The following AUTS2 variants were observed in gnomAD, a reference collection of about 807,000 sequenced individuals.
AUTS2 encodes activator of transcription and developmental regulator AUTS2, also known as autism susceptibility gene 2 protein.
Under a neutral mutation model 112.4 loss-of-function variants are expected in AUTS2, and 17 were observed. The observed-to-expected ratio is 0.15, with a 90% CI of 0.10 to 0.23. The LOEUF is 0.23. AUTS2 is among the 10% of genes least tolerant of loss of function. The pLI, the probability that AUTS2 is intolerant of heterozygous loss-of-function variation, is 1.00. For synonymous variants in AUTS2, 751 were observed against 702.7 expected (o/e 1.07, Z -1.09); for missense variants, 1,510 against 1,701.6 (o/e 0.89, Z 1.98).
At chr7:70,559,016 G>T (rs971736509) in intron 5 of AUTS2, among the ~76,000 whole-genome samples, 3 of 152,204 alleles carry the variant, frequency 2.0e-5, no homozygotes, top group Non-Finnish European at 1.5e-5. Context: ...GAGGGACCTG[G>T]TGGGAGGTAA....
intron 6 of AUTS2, among the ~76,000 whole-genome samples, chr7:70,705,042 A>G (rs1809662401): frequency 6.6e-6 from 1 of 152,256 alleles, no homozygotes; most frequent in Admixed American, 6.5e-5. Context: ...GAGTTAGGAA[A>G]GAGCATGTTA....
intron 2 of AUTS2, among the ~76,000 whole-genome samples, chr7:69,998,671 C>G (rs962619291): frequency 1.3e-5 from 2 of 152,104 alleles, no homozygotes; most frequent in African/African-American, 2.4e-5. Context: ...ACCAAATAGA[C>G]AAAATCTCTG....
intron 2 of AUTS2, among the ~76,000 whole-genome samples, chr7:70,005,628 G>A (rs1022394692): frequency 1.3e-5 from 2 of 152,182 alleles, no homozygotes; most frequent in Non-Finnish European, 2.9e-5. Flanking sequence ...TTTGGGAGGT[G>A]TACGGGAAGG....
rs548450768 is a variant in AUTS2 at position 70,056,697 on chromosome 7, A to G, written c.523-61435A>G. 1.1e-4 allele frequency among the ~76,000 whole-genome samples: 17 copies of G among 152,332 alleles called. 1 individual carries two copies. In the South Asian group the frequency reaches 3.5e-3, roughly 32 times the overall value. ...CCCTGAGCATGAAGAATGGAGTGTTAAAATGAGCCTTTCAAAGGCAGGATT... is the reference window on the plus strand; with the variant it reads ...CCCTGAGCATGAAGAATGGAGTGTTGAAATGAGCCTTTCAAAGGCAGGATT... On this transcript the variant is annotated intron_variant, in intron 2 of 18. Coordinates refer to ENST00000342771, the MANE Select transcript of AUTS2 (RefSeq NM_015570.4).
At chr7:70,022,101 A>G (rs1439252989) in intron 2 of AUTS2, among the ~76,000 whole-genome samples, 1 of 149,512 alleles carries the variant, frequency 6.7e-6, no homozygotes, top group Non-Finnish European at 1.5e-5. Context: ...TATTGATGTA[A>G]GAAGAGGCTA....
At chr7:69,648,044 A>T (rs899564279) in intron 1 of AUTS2, among the ~76,000 whole-genome samples, 2 of 152,168 alleles carry the variant, frequency 1.3e-5, no homozygotes, top group African/African-American at 4.8e-5. Flanking sequence ...CCTTATTTCT[A>T]AATAAGGTCA....
At chr7:69,669,246 A>G (rs1232743339) in intron 1 of AUTS2, among the ~76,000 whole-genome samples, 1 of 152,154 alleles carries the variant, frequency 6.6e-6, no homozygotes, top group African/African-American at 2.4e-5. Flanking sequence ...TTGGACATGT[A>G]TCTTCCCAGT....
chr7:70,102,653 TATACTA>T (rs1804561419), intron 2 of AUTS2, among the ~76,000 whole-genome samples: 1 of 152,248 alleles, frequency 6.6e-6, no homozygotes, highest in African/African-American at 2.4e-5. Flanking sequence ...CTAATAATCT[TATACTA>T]ATAAGATTAT....
intron 15 of AUTS2, chr7:70,784,252 A>G (rs1791283596): frequency 6.6e-6 from 1 of 152,146 alleles, no homozygotes; most frequent in Non-Finnish European, 1.5e-5. Context: ...GTCGGGTCTT[A>G]TAGTATCCTT....
At chr7:69,749,484 CTGT>C in intron 1 of AUTS2, among the ~76,000 whole-genome samples, 1 of 152,252 alleles carries the variant, frequency 6.6e-6, no homozygotes, top group South Asian at 2.1e-4. Context: ...TTCTTTTCAG[CTGT>C]GGACTGTGCT....
At position 70,286,541 on chromosome 7, in the gene AUTS2, A is replaced by G. The variant is rs562064788; in HGVS notation, c.661-149211A>G. Among the ~76,000 whole-genome samples the G allele has an allele frequency of 3.3e-4, 50 of 152,378 alleles. No individual in the cohort carries two copies. The South Asian group carries it at 6.2e-3, about 19-fold the overall frequency. On this transcript the variant is annotated intron_variant, in intron 4 of 18. Coordinates refer to ENST00000342771, the MANE Select transcript of AUTS2 (RefSeq NM_015570.4). The stretch of plus-strand genomic sequence containing the variant: ...AATTTTATTTTCCAAACAAATATAA[A>G]GATGTATTTCTGATGAAAAACATTT...
chr7:70,646,747 C>T (rs1196083853), intron 5 of AUTS2, among the ~76,000 whole-genome samples: 1 of 152,256 alleles, frequency 6.6e-6, no homozygotes, highest in Non-Finnish European at 1.5e-5. Flanking sequence ...AGATCTAGGC[C>T]ATGCAAGGCG....
At chr7:70,765,990 G>C in intron 8 of AUTS2, 124 bp from the exon 9 acceptor site, 2 of 1,464,178 alleles carry the variant, frequency 1.4e-6, no homozygotes, top group Non-Finnish European at 1.8e-6. Flanking sequence ...TTTATCTCAG[G>C]GCCCAGCCAC....
At chr7:69,696,211 T>C (rs1278440000) in intron 1 of AUTS2, among the ~76,000 whole-genome samples, 1 of 152,162 alleles carries the variant, frequency 6.6e-6, no homozygotes, top group East Asian at 1.9e-4. Context: ...AGCAGCTGCA[T>C]AGGCTCAAGA....
chr7:70,123,721 A>G (rs893418895), intron 3 of AUTS2, among the ~76,000 whole-genome samples: 4 of 152,308 alleles, frequency 2.6e-5, no homozygotes, highest in Non-Finnish European at 5.9e-5. Flanking sequence ...TGGTTTACAT[A>G]TACCAAATTT....
In AUTS2 at chr7:70,781,647, C is replaced by T. The variant is rs1028085743; in HGVS notation, c.2037C>T (p.Asp679=). 1.1e-5 allele frequency: 18 copies of T among 1,614,068 alleles called. No individual in the cohort carries two copies. Among genetic ancestry groups the T allele is most frequent in the Admixed American group, 6.7e-5 (4 of 59,998 alleles). ...KQMQSDPHKL[D]FGLKPEFLSR... ...TGCAGTCAGACCCACATAAGCTGGA[C>T]TTTGGACTGAAACCTGAGTTCCTGA... Residue 679 remains aspartate (D), a synonymous_variant, in exon 15 of 19, where the codon GAC becomes GAT. Transcript: ENST00000342771.
intron 5 of AUTS2, among the ~76,000 whole-genome samples, chr7:70,549,943 G>C (rs1438192255): frequency 6.6e-6 from 1 of 152,094 alleles, no homozygotes; most frequent in Non-Finnish European, 1.5e-5. Flanking sequence ...ATTGGCACTT[G>C]GTTTTCTAGC....
intron 2 of AUTS2, among the ~76,000 whole-genome samples, chr7:70,044,931 T>A (rs1050356579): frequency 2.3e-5 from 3 of 129,474 alleles, no homozygotes; most frequent in Admixed American, 7.3e-5. Context: ...ACCCATAGCA[T>A]GTTTTTTTTT....
chr7:70,551,459 CA>C (rs1382434789), intron 5 of AUTS2, among the ~76,000 whole-genome samples: 1 of 152,140 alleles, frequency 6.6e-6, no homozygotes, highest in Non-Finnish European at 1.5e-5. Context: ...GTCTTCCTCC[CA>C]AAAACCTCTC....
Sources: gnomAD v4.1 joint callset for allele counts (sites outside exome capture counted in the v4.1 genomes callset) on GRCh38, gnomAD v4.1.1 for gene constraint, MANE v1.5 for transcripts, NCBI Gene and HGNC (gene_info 2026-07-23, HGNC 2026-07-21) for gene names.